VPS26A: variants seen among roughly 807,000 people sequenced by gnomAD.
VPS26A encodes VPS26 retromer complex component A.
A neutral mutation model predicts 42.4 loss-of-function variants in VPS26A; 22 were observed. The ratio of observed to expected loss-of-function variants is 0.52; its 90% CI spans 0.37 to 0.74. The LOEUF (loss-of-function observed/expected upper bound fraction) is 0.74. Among genes scored for constraint, VPS26A ranks in the 30% least tolerant of loss-of-function variants. The probability of loss-of-function intolerance (pLI) is 0.00; values close to 1 mark genes in which losing one functional copy is unlikely to be tolerated. For synonymous variants in VPS26A, 110 were observed against 123.5 expected, an observed-to-expected ratio of 0.89 and a Z score of 0.73; for missense variants, 276 against 379.2, an observed-to-expected ratio of 0.73 and a Z score of 2.26.
rs1841822780 is a variant in VPS26A, at chr10:69,171,829, C to T, written c.*560C>T. ...TGAGAAAAGCATATGGAGTGTTTCA[C>T]CGCAGGCACTTCTGAGTACCATTCC... On this transcript the variant is annotated 3_prime_UTR_variant, in exon 9 of 9. Transcript: ENST00000263559. 6.5e-6 allele frequency: 1 copy of T among 152,736 alleles called. No individual in the cohort carries two copies. Among genetic ancestry groups the T allele is most frequent in the African/African-American group, 2.4e-5 (1 of 41,450 alleles). 9.5% of individuals were successfully genotyped at this position (152,736 alleles called of 1,614,324 possible). A position where few individuals can be genotyped will look rare whatever the true frequency, so the allele number is the denominator to read the frequency against.
intron 4 of VPS26A, among the ~76,000 whole-genome samples, chr10:69,157,717 C>G (rs1841464119): frequency 6.6e-6 from 1 of 152,188 alleles, no homozygotes; most frequent in Non-Finnish European, 1.5e-5. Flanking sequence ...TTGGCATTAT[C>G]TATCTGGAAC....
rs371589092 is a variant in VPS26A, at chr10:69,124,238, A to G, written c.-40A>G. On this transcript the variant is annotated 5_prime_UTR_variant, in exon 1 of 9. Transcript: ENST00000263559. ...CGGGGCTGGGAGTTCTCCTGAGGGA[A>G]GAGGAGTGGAGTAGGGGGGACGCGG... 1.3e-4 allele frequency: 171 copies of G among 1,283,140 alleles called. No individual in the cohort carries two copies. The African/African-American group carries it at 2.2e-3, about 17-fold the overall frequency. 79.5% of individuals were successfully genotyped at this position (1,283,140 alleles called of 1,614,324 possible).
chr10:69,149,734 GTTTTTTTTTTTTTTTT>G (rs869048277), intron 2 of VPS26A, among the ~76,000 whole-genome samples: 1 of 21,364 alleles, frequency 4.7e-5, no homozygotes, highest in Non-Finnish European at 1.7e-4. Flanking sequence ...GGTGTTTTTT[GTTTTTTTTTTTTTTTT>G]TTTTTTTTTT....
Position 69,171,393 on chromosome 10 carries a change from T to G in VPS26A, c.*124T>G, listed in dbSNP as rs911435343. ...GGCCAAAACTCCATATATGTTAGTC[T>G]TCCTTTATCTTACAGCGCAGCATTT... On this transcript the variant is annotated 3_prime_UTR_variant, in exon 9 of 9. Transcript: ENST00000263559. 8.3e-5 allele frequency: 57 copies of G among 687,622 alleles called. No homozygotes were observed. Among genetic ancestry groups the G allele is most frequent in the Non-Finnish European group, 1.2e-4 (49 of 403,642 alleles). 42.6% of individuals were successfully genotyped at this position (687,622 alleles called of 1,614,324 possible).
At chr10:69,163,769 T>TC (rs201024920) in intron 6 of VPS26A, among the ~76,000 whole-genome samples, 6,132 of 149,084 alleles carry the variant, frequency 0.041, 441 homozygotes, top group African/African-American at 0.14. Flanking sequence ...CAGTTTTCTT[T>TC]TTTTTTTTTT....
intron 1 of VPS26A, among the ~76,000 whole-genome samples, chr10:69,129,713 C>A (rs1291049236): frequency 6.6e-6 from 1 of 151,982 alleles, no homozygotes; most frequent in African/African-American, 2.4e-5. Context: ...TTAGTAGAGA[C>A]GGGGTTTCAC....
At chr10:69,130,872 C>A (rs189388077) in intron 1 of VPS26A, among the ~76,000 whole-genome samples, 16 of 152,258 alleles carry the variant, frequency 1.1e-4, no homozygotes, top group Admixed American at 1.0e-3. Flanking sequence ...TCCTCTAATT[C>A]TATTGCTGTT....
chr10:69,149,526 A>G (rs1841243562), intron 2 of VPS26A, among the ~76,000 whole-genome samples: 2 of 152,066 alleles, frequency 1.3e-5, no homozygotes, highest in Non-Finnish European at 1.5e-5. Flanking sequence ...ATTTTTTTTT[A>G]AGACAGTGTC....
At chr10:69,151,278 A>AAAC (rs1564680915) in intron 2 of VPS26A, among the ~76,000 whole-genome samples, 7 of 56,326 alleles carry the variant, frequency 1.2e-4, no homozygotes, top group Admixed American at 2.2e-4. Flanking sequence ...AAAAAAAAAA[A>AAAC]AAAAACACAC....
At chr10:69,140,171 G>A (rs891280821) in intron 2 of VPS26A, among the ~76,000 whole-genome samples, 3 of 151,738 alleles carry the variant, frequency 2.0e-5, no homozygotes, top group Non-Finnish European at 4.4e-5. Flanking sequence ...AGGCCCAAGC[G>A]ATCCTCCTAC....
chr10:69,132,427 T>C (rs1840801973), intron 1 of VPS26A, among the ~76,000 whole-genome samples: 1 of 88,762 alleles, frequency 1.1e-5, no homozygotes, highest in Non-Finnish European at 2.9e-5. Flanking sequence ...TCAGTTTTGA[T>C]GTAGTTTTTT....
chr10:69,134,957 C>T (rs1351291445), intron 2 of VPS26A, among the ~76,000 whole-genome samples: 1 of 151,468 alleles, frequency 6.6e-6, no homozygotes, highest in Non-Finnish European at 1.5e-5. Context: ...AGAAAAAGGC[C>T]TAAAGAAGAG....
chr10:69,139,040 CT>C (rs1840984114), intron 2 of VPS26A, among the ~76,000 whole-genome samples: 1 of 152,100 alleles, frequency 6.6e-6, no homozygotes, highest in African/African-American at 2.4e-5. Context: ...TCCTTTCGCC[CT>C]CACTTAGTCT....
chr10:69,124,309 C>T (rs777550003), intron 1 of VPS26A, 29 bp downstream of exon 1: 23 of 1,245,318 alleles, frequency 1.8e-5, no homozygotes, highest in Non-Finnish European at 2.2e-5. Flanking sequence ...GCGCGCTCGC[C>T]TCCCGCCCTC....
chr10:69,161,100 C>T (rs1010491310), intron 5 of VPS26A, among the ~76,000 whole-genome samples: 4 of 152,032 alleles, frequency 2.6e-5, no homozygotes, highest in African/African-American at 9.7e-5. Flanking sequence ...GGCTCTGTCA[C>T]CCAGGCTGGA....
chr10:69,165,222 C>G (rs1290078842), intron 6 of VPS26A, among the ~76,000 whole-genome samples: 1 of 152,160 alleles, frequency 6.6e-6, no homozygotes, highest in East Asian at 1.9e-4. Flanking sequence ...GCCACTGTGC[C>G]TGGCCTCATC....
intron 2 of VPS26A, among the ~76,000 whole-genome samples, chr10:69,143,843 A>G (rs1390773717): frequency 6.6e-6 from 1 of 152,054 alleles, no homozygotes; most frequent in Admixed American, 6.6e-5. Flanking sequence ...CAGCCTCCCA[A>G]GTAGCTCAGA....
At chr10:69,129,196 T>C (rs1243811310) in intron 1 of VPS26A, among the ~76,000 whole-genome samples, 1 of 152,132 alleles carries the variant, frequency 6.6e-6, no homozygotes, top group Non-Finnish European at 1.5e-5. Flanking sequence ...TGTTGTCTTC[T>C]ACCCTTTCAT....
chr10:69,151,270 A>AAAAAAAAAAAAAAAC (rs1444035407), intron 2 of VPS26A, among the ~76,000 whole-genome samples: 5 of 64,368 alleles, frequency 7.8e-5, no homozygotes, highest in Non-Finnish European at 1.7e-4. Context: ...ATGTCAAAAA[A>AAAAAAAAAAAAAAAC]AAAAAAAAAA....
Sources: gnomAD v4.1 joint callset for allele counts (sites outside exome capture counted in the v4.1 genomes callset) on GRCh38, gnomAD v4.1.1 for gene constraint, MANE v1.5 for transcripts, NCBI Gene and HGNC (gene_info 2026-07-23, HGNC 2026-07-21) for gene names.